CDH18: variants seen among roughly 807,000 people sequenced by gnomAD.
CDH18 encodes cadherin 18.
CDH18 carries 31 observed loss-of-function variants against 67.9 expected under a neutral mutation model. The ratio of observed to expected loss-of-function variants is 0.46; its 90% CI spans 0.34 to 0.62. The LOEUF (loss-of-function observed/expected upper bound fraction) is 0.62. CDH18 is among the 20% of genes least tolerant of loss of function. CDH18 has a pLI of 0.01. For missense variants in CDH18, 890 were observed against 975.5 expected, an observed-to-expected ratio of 0.91 and a Z score of 1.17; for synonymous variants, 362 against 347.2, an observed-to-expected ratio of 1.04 and a Z score of -0.48.
intron 5 of CDH18, among the ~76,000 whole-genome samples, chr5:19,652,666 G>C (rs1477382815): frequency 6.6e-6 from 1 of 151,962 alleles, no homozygotes; most frequent in Non-Finnish European, 1.5e-5. Flanking sequence ...GTGACGATTG[G>C]CGTTTATAAA....
At chr5:19,592,053 T>G (rs143315944) in intron 6 of CDH18, among the ~76,000 whole-genome samples, 2 of 152,058 alleles carry the variant, frequency 1.3e-5, no homozygotes, top group Non-Finnish European at 2.9e-5. Context: ...AACTCCCCTA[T>G]GATAGTATTC....
intron 2 of CDH18, among the ~76,000 whole-genome samples, chr5:20,003,854 GCCACTGCACTCCAGCCTGGTCGAC>G (rs1364711235): frequency 6.6e-6 from 1 of 152,132 alleles, no homozygotes; most frequent in Admixed American, 6.5e-5. Flanking sequence ...CCCAGATTGA[GCCACTGCACTCCAGCCTGGTCGAC>G]AGAGCGAGAC....
chr5:19,598,420 A>T (rs1746514141), intron 6 of CDH18, among the ~76,000 whole-genome samples: 2 of 152,218 alleles, frequency 1.3e-5, no homozygotes, highest in East Asian at 1.9e-4. Flanking sequence ...ATCTTTTTTT[A>T]AAAAAGGAAA....
Position 19,756,347 on chromosome 5 carries a change from G to T in CDH18, c.229-9111C>A, listed in dbSNP as rs936384799. 3.9e-5 allele frequency among the ~76,000 whole-genome samples: 6 copies of T among 152,178 alleles called. No individual in the cohort carries two copies. In the South Asian group the frequency reaches 1.0e-3, roughly 26 times the overall value. On this transcript the variant is annotated intron_variant, in intron 3 of 12. Transcript: ENST00000382275. ...AATTACAGTCCCCATTGCTGCAGATGGTCACGTGGTCGTAGCTGGTATTGA... is the reference window on the plus strand; with the variant it reads ...AATTACAGTCCCCATTGCTGCAGATTGTCACGTGGTCGTAGCTGGTATTGA...
upstream of CDH18, chr5:19,988,348 C>G (rs1189210796): frequency 6.5e-6 from 1 of 154,920 alleles, no homozygotes; most frequent in Non-Finnish European, 1.4e-5. Context: ...CTCCTCTCCG[C>G]GGCTCCTTTC....
chr5:20,039,930 A>G (rs547689590), intron 2 of CDH18, among the ~76,000 whole-genome samples: 1 of 152,174 alleles, frequency 6.6e-6, no homozygotes, highest in African/African-American at 2.4e-5. Context: ...ATGGGAAAAA[A>G]TTTTTGCAAT....
intron 1 of CDH18, among the ~76,000 whole-genome samples, chr5:20,482,022 GA>G (rs1169885301): frequency 6.6e-6 from 1 of 151,590 alleles, no homozygotes; most frequent in Non-Finnish European, 1.5e-5. Flanking sequence ...TTATTTTTTT[GA>G]AAAGATAAAA....
At chr5:20,481,868 A>G (rs1752831241) in intron 1 of CDH18, among the ~76,000 whole-genome samples, 1 of 152,088 alleles carries the variant, frequency 6.6e-6, no homozygotes, top group Non-Finnish European at 1.5e-5. Flanking sequence ...CTTCAAATGC[A>G]AATCCTAATA....
intron 2 of CDH18, among the ~76,000 whole-genome samples, chr5:20,021,194 C>T (rs955635923): frequency 7.2e-5 from 11 of 152,020 alleles, no homozygotes; most frequent in African/African-American, 2.7e-4. Context: ...TGCCTGTATC[C>T]TCATTAAATC....
chr5:20,242,796 T>C (rs2126558433), intron 2 of CDH18, among the ~76,000 whole-genome samples: 1 of 151,574 alleles, frequency 6.6e-6, no homozygotes, highest in African/African-American at 2.4e-5. Flanking sequence ...CAAAACATGA[T>C]CCCATAACAA....
chr5:19,755,260 AATTG>A lies in CDH18; in HGVS notation c.229-8028_229-8025del, dbSNP rs562917421. On this transcript the variant is annotated intron_variant, in intron 3 of 12. Coordinates refer to ENST00000382275, the MANE Select transcript of CDH18 (RefSeq NM_004934.5). ...GCTGGTTCTTCGAAGAAATAAATAA[AATTG>A]ATTGACCATTAGCAAGATTAACCAA... is the stretch of plus-strand genomic sequence containing the variant. Among the ~76,000 whole-genome samples, 36 of 150,546 alleles carry A rather than the reference AATTG, an allele frequency of 2.4e-4. No individual in the cohort carries two copies. The South Asian group carries it at 7.5e-3, about 32-fold the overall frequency.
intron 3 of CDH18, among the ~76,000 whole-genome samples, chr5:19,757,624 T>C (rs1489059369): frequency 6.6e-6 from 1 of 152,204 alleles, no homozygotes; most frequent in African/African-American, 2.4e-5. Context: ...GCTCACCTAT[T>C]GGTGAGCACT....
At chr5:20,161,394 T>C (rs959723612) in intron 2 of CDH18, among the ~76,000 whole-genome samples, 2 of 152,272 alleles carry the variant, frequency 1.3e-5, no homozygotes, top group African/African-American at 4.8e-5. Context: ...CTTCATGTCT[T>C]AGTGCTCACC....
In CDH18 at chr5:19,651,528, G is replaced by A. The variant is rs115428795; in HGVS notation, c.644-38927C>T. Among the ~76,000 whole-genome samples, 763 of 152,126 alleles carry A rather than the reference G, an allele frequency of 5.0e-3. 3 individuals are homozygous for A. The highest frequency in any genetic ancestry group is 0.018 in the African/African-American group (735 of 41,562). ...TAACAACTCAAATTCTGTCAAAGAA[G>A]ACGTTAAGGGAGACAGATAAAAGTT... On this transcript the variant is annotated intron_variant, in intron 5 of 12. Transcript: ENST00000382275.
intron 1 of CDH18, among the ~76,000 whole-genome samples, chr5:20,390,207 C>G (rs942599394): frequency 6.6e-6 from 1 of 151,564 alleles, no homozygotes; most frequent in East Asian, 2.0e-4. Context: ...AGGCAACCTA[C>G]AGAATGGGAG....
At chr5:20,003,316 T>C (rs1214499785) in intron 2 of CDH18, among the ~76,000 whole-genome samples, 8 of 152,172 alleles carry the variant, frequency 5.3e-5, no homozygotes. Flanking sequence ...TGTGTGTGTG[T>C]ATTTGTACAT....
chr5:20,096,457 T>C (rs1746000162), intron 2 of CDH18, among the ~76,000 whole-genome samples: 1 of 151,878 alleles, frequency 6.6e-6, no homozygotes, highest in Non-Finnish European at 1.5e-5. Flanking sequence ...GCAGAAATAA[T>C]GAAGAAAAAA....
intron 9 of CDH18, among the ~76,000 whole-genome samples, chr5:19,539,455 A>G (rs571624650): frequency 3.3e-5 from 5 of 152,334 alleles, no homozygotes; most frequent in African/African-American, 9.6e-5. Context: ...TATATTCATA[A>G]ACTACATTCT....
At chr5:20,056,455 T>G (rs1741946997) in intron 2 of CDH18, among the ~76,000 whole-genome samples, 1 of 145,838 alleles carries the variant, frequency 6.9e-6, no homozygotes, top group Non-Finnish European at 1.5e-5. Flanking sequence ...TTTTTTATTA[T>G]TTTTCTTTAT....
Sources: allele counts gnomAD v4.1 joint callset (sites outside exome capture counted in the v4.1 genomes callset), GRCh38; gene constraint gnomAD v4.1.1; transcripts MANE v1.5; gene names NCBI Gene and HGNC (gene_info 2026-07-23, HGNC 2026-07-21).